PSMG2: variants seen among roughly 807,000 people sequenced by gnomAD.
PSMG2 encodes proteasome assembly chaperone 2, also known as CD40 ligand-activated specific transcript 3.
In PSMG2, 21 loss-of-function variants were observed where a neutral mutation model predicts 31.5. The ratio of observed to expected loss-of-function variants is 0.67; its 90% confidence interval spans 0.47 to 0.96. PSMG2 has a LOEUF of 0.96. Among genes scored for constraint, PSMG2 ranks in the 40% least tolerant of loss-of-function variants. The pLI is 0.00. For missense variants in PSMG2, 318 were observed against 321.2 expected (o/e 0.99, Z 0.08); for synonymous variants, 120 against 110.4 (o/e 1.09, Z -0.54).
chr18:12,686,274 G>A (rs1482846500), intron 1 of PSMG2: 1 of 1,613,346 alleles, frequency 6.2e-7, no homozygotes, highest in Non-Finnish European at 8.5e-7. Flanking sequence ...TGTTTCTACA[G>A]AGAAAGGCCA....
At chr18:12,701,279 G>C (rs143537256), upstream of PSMG2, among the ~76,000 whole-genome samples, 101 of 152,248 alleles carry the variant, frequency 6.6e-4, no homozygotes, top group African/African-American at 2.4e-3. Context: ...ACAAATTCTA[G>C]AAATAGTCTC....
intron 1 of PSMG2, chr18:12,673,230 A>G: frequency 1.4e-6 from 2 of 1,422,806 alleles, no homozygotes; most frequent in Non-Finnish European, 1.8e-6. Context: ...TTACCAGTCA[A>G]GTATATACAA....
upstream of PSMG2, chr18:12,702,622 G>A (rs944807071): frequency 1.4e-6 from 2 of 1,478,762 alleles, no homozygotes; most frequent in East Asian, 2.6e-5. Context: ...GCCGGGCCAG[G>A]GAGCGTTAGG....
chr18:12,703,287 C>G, intron 1 of PSMG2, 123 bp downstream of exon 1: 1 of 1,177,596 alleles, frequency 8.5e-7, no homozygotes, highest in Non-Finnish European at 1.2e-6. Flanking sequence ...TTCATGTTTT[C>G]GGCCGGAAAA....
At chr18:12,680,096 T>C (rs1382659494) in intron 1 of PSMG2, among the ~76,000 whole-genome samples, 2 of 151,446 alleles carry the variant, frequency 1.3e-5, no homozygotes, top group South Asian at 2.1e-4. Flanking sequence ...ATGCTAATCA[T>C]ACAAAACTAG....
At chr18:12,668,827 G>A (rs2038865443) in intron 1 of PSMG2, among the ~76,000 whole-genome samples, 1 of 133,416 alleles carries the variant, frequency 7.5e-6, no homozygotes, top group Non-Finnish European at 1.5e-5. Context: ...TGCAGCCTTC[G>A]CCTCCCGGGT....
At chr18:12,692,786 A>T (rs922717700) in intron 1 of PSMG2, among the ~76,000 whole-genome samples, 1 of 152,198 alleles carries the variant, frequency 6.6e-6, no homozygotes, top group Non-Finnish European at 1.5e-5. Context: ...AGTGTCTAGC[A>T]CATTTTGACA....
intron 1 of PSMG2, among the ~76,000 whole-genome samples, chr18:12,696,271 G>A (rs771665670): frequency 4.1e-4 from 63 of 152,242 alleles, no homozygotes; most frequent in African/African-American, 1.4e-3. Context: ...TTGGGAGGCC[G>A]AGGCGGGCAG....
In PSMG2 at chr18:12,720,639, C is replaced by T. The variant is rs78701021; in HGVS notation, c.537C>T (p.Ile179=). 7,901 of 1,613,372 alleles carry T rather than the reference C, an allele frequency of 4.9e-3. 28 individuals are homozygous for T. The highest frequency in any genetic ancestry group is 6.2e-3 in the Non-Finnish European group (7,343 of 1,179,804). The change falls in exon 5 of 7, where the codon ATC becomes ATT. Residue 179 remains isoleucine, a synonymous_variant. Coordinates refer to ENST00000317615, the MANE Select transcript of PSMG2 (RefSeq NM_020232.5). ...AAATAGATGATTCCGAGTTTTGTAT[C>T]CGCATTCCGGGAGGAGGTATCACAA... is the stretch of plus-strand genomic sequence containing the variant. ...IPEIDDSEFC[I]RIPGGGITKT...
chr18:12,709,203 G>A (rs1161208424), intron 2 of PSMG2, among the ~76,000 whole-genome samples: 2 of 147,884 alleles, frequency 1.4e-5, no homozygotes, highest in African/African-American at 5.0e-5. Context: ...ATGCCACCAC[G>A]CCCGGCTGAT....
chr18:12,700,071 G>T, upstream of PSMG2: 1 of 428,816 alleles, frequency 2.3e-6, no homozygotes. Context: ...ATAAAAGCCT[G>T]CATAAAAGAT....
intron 3 of PSMG2, among the ~76,000 whole-genome samples, chr18:12,715,786 G>A (rs181494798): frequency 3.6e-4 from 55 of 152,326 alleles, no homozygotes; most frequent in Admixed American, 1.2e-3. Context: ...GATTACAGGC[G>A]TGAGCCACTG....
chr18:12,687,031 T>C (rs1035183417), intron 1 of PSMG2, among the ~76,000 whole-genome samples: 4 of 152,318 alleles, frequency 2.6e-5, no homozygotes, highest in Admixed American at 2.0e-4. Context: ...TCTCCTGGTG[T>C]TGGTGCTGAA....
intron 5 of PSMG2, among the ~76,000 whole-genome samples, chr18:12,721,372 G>A (rs1243384213): frequency 2.0e-5 from 3 of 151,512 alleles, no homozygotes; most frequent in African/African-American, 7.3e-5. Flanking sequence ...TTTTTTAATT[G>A]TGGTAAAATA....
intron 5 of PSMG2, among the ~76,000 whole-genome samples, chr18:12,722,454 G>A (rs2040439908): frequency 6.6e-6 from 1 of 152,168 alleles, no homozygotes; most frequent in African/African-American, 2.4e-5. Flanking sequence ...CAGAGAATCC[G>A]AGGGCAGGGG....
intron 1 of PSMG2, among the ~76,000 whole-genome samples, chr18:12,693,687 G>A (rs1365538544): frequency 6.6e-6 from 1 of 152,052 alleles, no homozygotes; most frequent in Non-Finnish European, 1.5e-5. Context: ...GGAGACTGAG[G>A]CAGGAGAATT....
chr18:12,685,630 A>G (rs2039513472), intron 1 of PSMG2: 1 of 144,630 alleles, frequency 6.9e-6, no homozygotes, highest in African/African-American at 2.5e-5. Context: ...GGCTTATATA[A>G]AATAGTATTT....
In PSMG2 at chr18:12,725,704, G is replaced by T; in HGVS notation, c.*173G>T. 1 of 436,550 alleles carries T rather than the reference G, an allele frequency of 2.3e-6. No individual in the cohort carries two copies. Among genetic ancestry groups the T allele is most frequent in the South Asian group, 6.3e-5 (1 of 15,806 alleles). The allele number at this position is 436,550 out of a possible 1,614,324, so 27.0% of individuals were successfully genotyped here. ...ATGCTTTTCATCATATGCACCAAAT[G>T]TAAATTTTGTACAATAAAATTTTAT... On this transcript the variant is annotated 3_prime_UTR_variant, in exon 7 of 7. Transcript: ENST00000317615.
intron 1 of PSMG2, among the ~76,000 whole-genome samples, chr18:12,704,149 T>C (rs1361415372): frequency 1.3e-5 from 2 of 152,208 alleles, no homozygotes; most frequent in Non-Finnish European, 2.9e-5. Context: ...AGAAAGTGTA[T>C]GTTTGGATTT....
Sources: allele counts gnomAD v4.1 joint callset (sites outside exome capture counted in the v4.1 genomes callset), GRCh38; gene constraint gnomAD v4.1.1; transcripts MANE v1.5; gene names NCBI Gene and HGNC (gene_info 2026-07-23, HGNC 2026-07-21).